Variants in STAT3 observed in about 807,000 individuals in gnomAD.
The protein encoded by STAT3 is DNA-binding protein APRF.
Under a neutral mutation model 114.3 loss-of-function variants are expected in STAT3, and 7 were observed. That is an observed-to-expected ratio of 0.06 (90% CI 0.03 to 0.11). STAT3 has a LOEUF of 0.11. Ranked by LOEUF, STAT3 falls within the 10% of genes least tolerant of loss-of-function variation. The probability of loss-of-function intolerance (pLI) is 1.00; values close to 1 mark genes in which losing one functional copy is unlikely to be tolerated. For missense variants in STAT3, 364 were observed against 960.9 expected (o/e 0.38, Z 8.21); for synonymous variants, 331 against 354.5 (o/e 0.93, Z 0.74).
chr17:42,359,125 G>A (rs1432229858), intron 1 of STAT3, among the ~76,000 whole-genome samples: 3 of 151,694 alleles, frequency 2.0e-5, no homozygotes, highest in African/African-American at 2.4e-5. Flanking sequence ...TTAGTAAAGA[G>A]GGGGTTTCAT....
At chr17:42,373,345 C>T (rs952528970) in intron 1 of STAT3, among the ~76,000 whole-genome samples, 1 of 150,848 alleles carries the variant, frequency 6.6e-6, no homozygotes, top group Non-Finnish European at 1.5e-5. Flanking sequence ...AGTGAAACTC[C>T]ATCTCAAAAA....
intron 15 of STAT3, among the ~76,000 whole-genome samples, chr17:42,325,735 T>TG (rs2081681741): frequency 6.6e-6 from 1 of 152,120 alleles, no homozygotes; most frequent in Non-Finnish European, 1.5e-5. Context: ...CAGCTAATTT[T>TG]TGTATTTTAG....
intron 1 of STAT3, among the ~76,000 whole-genome samples, chr17:42,380,161 C>T (rs376749671): frequency 2.0e-5 from 3 of 151,956 alleles, no homozygotes; most frequent in East Asian, 1.9e-4. Flanking sequence ...CTCAGCCTCC[C>T]GGGTAGCTGG....
rs1442053626 is a variant in STAT3, at chr17:42,318,238, T to A, written c.2102-1014A>T. On this transcript the variant is annotated intron_variant, in intron 21 of 23. Coordinates refer to ENST00000264657, the MANE Select transcript of STAT3 (RefSeq NM_139276.3). ...CCAGGGTTCAAGTGATTCTCCTTCA[T>A]CAGCCTCCTGAGTAGCTGGATTACA... Among the ~76,000 whole-genome samples the A allele has an allele frequency of 9.2e-5, 14 of 152,286 alleles. No homozygotes were observed. In the East Asian group the frequency reaches 2.1e-3, roughly 23 times the overall value.
At chr17:42,322,866 A>G (rs749674451) in intron 20 of STAT3, 138 bp downstream of exon 20, 8 of 1,230,792 alleles carry the variant, frequency 6.5e-6, no homozygotes, top group African/African-American at 3.0e-5. Flanking sequence ...AGTCACGCAA[A>G]TGTGTTTTGC....
rs1021915716 is a variant in STAT3, at chr17:42,361,309, C to G, written c.-23-12770G>C. 2.0e-5 allele frequency among the ~76,000 whole-genome samples: 3 copies of G among 152,056 alleles called. No homozygotes were observed. In the South Asian group the frequency reaches 6.2e-4, roughly 32 times the overall value. On this transcript the variant is annotated intron_variant, in intron 1 of 23. Transcript: ENST00000264657. ...CAGCCTGACCAACACTGTGAAAGCC[C>G]ACCTCTACTAAAAAATACAAAAACA...
At chr17:42,319,470 A>C (rs952263482) in intron 21 of STAT3, among the ~76,000 whole-genome samples, 2 of 134,006 alleles carry the variant, frequency 1.5e-5, no homozygotes, top group African/African-American at 5.5e-5. Context: ...TGAACCTGGG[A>C]GGCAGAGGTT....
At position 42,316,299 on chromosome 17, in the gene STAT3, G is replaced by A. The variant is rs1025997768; in HGVS notation, c.2257+490C>T. On this transcript the variant is annotated intron_variant, in intron 23 of 23. Coordinates refer to ENST00000264657, the MANE Select transcript of STAT3 (RefSeq NM_139276.3). ...CGCCCAGGCTGGAGTGCAGTGGCAC[G>A]ATCTCTGCTCACTGCAACCTCCACC... The A allele has an allele frequency of 1.3e-4, 44 of 344,474 alleles. No homozygotes were observed. In the Admixed American group the frequency reaches 1.6e-3, roughly 12 times the overall value. 21.3% of individuals were successfully genotyped at this position (344,474 alleles called of 1,614,324 possible).
chr17:42,372,297 C>T (rs1417192424), intron 1 of STAT3, among the ~76,000 whole-genome samples: 5 of 152,102 alleles, frequency 3.3e-5, no homozygotes, highest in Admixed American at 2.6e-4. Context: ...TTGGAAGCAA[C>T]CAAGATGTCT....
intron 1 of STAT3, among the ~76,000 whole-genome samples, chr17:42,376,700 G>A (rs941318410): frequency 2.0e-5 from 3 of 151,862 alleles, no homozygotes; most frequent in African/African-American, 7.3e-5. Context: ...CAAAAAATTA[G>A]CCGGGCATTG....
chr17:42,345,221 C>A (rs151280992), intron 4 of STAT3, among the ~76,000 whole-genome samples: 1,582 of 151,012 alleles, frequency 0.01, 38 homozygotes, highest in African/African-American at 0.033. Flanking sequence ...GCCAAGATCG[C>A]GCCATTGCAC....
intron 1 of STAT3, among the ~76,000 whole-genome samples, chr17:42,366,239 T>C (rs557234202): frequency 1.1e-3 from 175 of 152,276 alleles, no homozygotes; most frequent in African/African-American, 4.1e-3. Flanking sequence ...TTCTAGCAAG[T>C]GACAACTCCA....
chr17:42,348,558 A>G lies in STAT3; in HGVS notation c.-23-19T>C, dbSNP rs1325719036. 1.4e-5 allele frequency: 22 copies of G among 1,612,146 alleles called. No homozygotes were observed. Among genetic ancestry groups the G allele is most frequent in the Non-Finnish European group, 1.9e-5 (22 of 1,179,856 alleles). On this transcript the variant is annotated intron_variant, in intron 1 of 23. Transcript: ENST00000264657. ...GTCCCAACTGTAAACCAAAGTGTGC[A>G]TATGTTCACCACAAGTCCCAGTAGG...
intron 1 of STAT3, among the ~76,000 whole-genome samples, chr17:42,358,183 T>C (rs1264874546): frequency 6.6e-6 from 1 of 151,954 alleles, no homozygotes; most frequent in Admixed American, 6.6e-5. Context: ...GAGGCCAAGG[T>C]GGAAGAGGGA....
intron 11 of STAT3, among the ~76,000 whole-genome samples, chr17:42,330,412 A>G (rs1291705066): frequency 2.3e-4 from 32 of 138,620 alleles, no homozygotes; most frequent in Middle Eastern, 5.6e-3. Context: ...CACCGCGCCC[A>G]GCCACATTTT....
intron 3 of STAT3, 65 bp downstream of exon 3, chr17:42,346,504 G>T: frequency 6.2e-7 from 1 of 1,609,128 alleles, no homozygotes; most frequent in Non-Finnish European, 8.5e-7. Context: ...GATGCTTCCA[G>T]GAAAGAACAC....
intron 1 of STAT3, among the ~76,000 whole-genome samples, chr17:42,361,724 A>G (rs867743534): frequency 6.6e-6 from 1 of 152,276 alleles, no homozygotes; most frequent in South Asian, 2.1e-4. Context: ...TAGAGACTGT[A>G]CAAGGAGACC....
At chr17:42,386,114 C>G (rs2085089250) in intron 1 of STAT3, among the ~76,000 whole-genome samples, 1 of 152,040 alleles carries the variant, frequency 6.6e-6, no homozygotes, top group African/African-American at 2.4e-5. Context: ...ACCCCGGTCT[C>G]TACTAAAAAT....
intron 1 of STAT3, among the ~76,000 whole-genome samples, chr17:42,365,812 C>T (rs1385015060): frequency 2.0e-5 from 3 of 151,792 alleles, no homozygotes; most frequent in Admixed American, 6.6e-5. Flanking sequence ...CCCGGTACAA[C>T]GCCTGGCTAA....
Sources: gnomAD v4.1 joint callset for allele counts (sites outside exome capture counted in the v4.1 genomes callset) on GRCh38, gnomAD v4.1.1 for gene constraint, MANE v1.5 for transcripts, NCBI Gene and HGNC (gene_info 2026-07-23, HGNC 2026-07-21) for gene names.